TSGA10: variants seen among roughly 807,000 people sequenced by gnomAD.
The protein encoded by TSGA10 is testis-specific gene 10 protein.
A neutral mutation model predicts 96.6 loss-of-function variants in TSGA10; 43 were observed. The ratio of observed to expected loss-of-function variants is 0.44; its 90% CI spans 0.35 to 0.57. TSGA10 has a LOEUF of 0.57. TSGA10 is among the 20% of genes least tolerant of loss of function. The probability of loss-of-function intolerance (pLI) is 0.01; values close to 1 mark genes in which losing one functional copy is unlikely to be tolerated. For missense variants in TSGA10, 703 were observed against 834.4 expected (o/e 0.84, Z 1.94); for synonymous variants, 229 against 269.9 (o/e 0.85, Z 1.48).
At position 99,144,351 on chromosome 2, in the gene TSGA10, C is replaced by T. The variant is rs1232606398; in HGVS notation, c.-621+10342G>A. On this transcript the variant is annotated intron_variant, in intron 1 of 20. Transcript: ENST00000393483. ...TCCGTTTTTTAAATCAGAGAGTTTC[C>T]TCCTTATGCCGAGGCCTGAAAGTTC... is the stretch of plus-strand genomic sequence containing the variant. Among the ~76,000 whole-genome samples, 4 of 151,886 alleles carry T rather than the reference C, an allele frequency of 2.6e-5. No homozygotes were observed. In the East Asian group the frequency reaches 7.7e-4, roughly 29 times the overall value.
rs73965019 is a variant in TSGA10, at chr2:99,049,984, A to G, written c.1405-14545T>C. Reference sequence around the variant, plus strand: ...CTGATTTTAAAATCAATTATATAATATTACATAAGATGATACAAATATAAT... The same window carrying G: ...CTGATTTTAAAATCAATTATATAATGTTACATAAGATGATACAAATATAAT... On this transcript the variant is annotated intron_variant, in intron 16 of 20. Transcript: ENST00000393483. Among the ~76,000 whole-genome samples, 435 of 152,266 alleles carry G rather than the reference A, an allele frequency of 2.9e-3. 1 individual carries two copies. Among genetic ancestry groups the G allele is most frequent in the African/African-American group, 9.8e-3 (406 of 41,570 alleles).
chr2:99,013,229 A>G (rs2079156718), intron 20 of TSGA10, among the ~76,000 whole-genome samples: 2 of 152,116 alleles, frequency 1.3e-5, no homozygotes, highest in African/African-American at 4.8e-5. Flanking sequence ...GTGTTTCACT[A>G]TTACCTCTCA....
At chr2:99,143,007 A>T (rs533456102) in intron 1 of TSGA10, among the ~76,000 whole-genome samples, 1 of 152,202 alleles carries the variant, frequency 6.6e-6, no homozygotes, top group Admixed American at 6.5e-5. Flanking sequence ...AAGAGGGTGA[A>T]AAGATTTTCC....
chr2:99,098,852 A>T (rs1443557583), intron 10 of TSGA10, among the ~76,000 whole-genome samples: 2 of 152,228 alleles, frequency 1.3e-5, no homozygotes, highest in East Asian at 3.8e-4. Context: ...TAAATAAATG[A>T]AATAAAACCT....
At chr2:99,107,647 CAA>C (rs1193593284) in intron 7 of TSGA10, among the ~76,000 whole-genome samples, 1 of 152,022 alleles carries the variant, frequency 6.6e-6, no homozygotes, top group Non-Finnish European at 1.5e-5. Context: ...GGGAAAATAT[CAA>C]AAGAGTATTT....
chr2:99,061,512 A>G (rs1005054928), intron 16 of TSGA10, among the ~76,000 whole-genome samples: 2 of 152,200 alleles, frequency 1.3e-5, no homozygotes, highest in Non-Finnish European at 2.9e-5. Context: ...TTTTAAATGT[A>G]CAATAAATTA....
At chr2:99,044,888 G>T (rs143015317) in intron 16 of TSGA10, among the ~76,000 whole-genome samples, 2 of 152,020 alleles carry the variant, frequency 1.3e-5, no homozygotes, top group Non-Finnish European at 2.9e-5. Context: ...ACTCAAAACC[G>T]CACAACTACA....
chr2:99,041,710 C>A (rs1264954563), intron 16 of TSGA10, among the ~76,000 whole-genome samples: 2 of 152,128 alleles, frequency 1.3e-5, no homozygotes, highest in Non-Finnish European at 2.9e-5. Flanking sequence ...AAATCTAAGA[C>A]CTAAAACCAT....
chr2:99,074,735 C>A (rs577169570), intron 12 of TSGA10, among the ~76,000 whole-genome samples: 69 of 152,046 alleles, frequency 4.5e-4, no homozygotes, highest in South Asian at 1.2e-3. Context: ...GTGAGGCAGG[C>A]GGAACACGAG....
At chr2:99,010,754 C>T (rs1382329313) in intron 20 of TSGA10, among the ~76,000 whole-genome samples, 3 of 152,102 alleles carry the variant, frequency 2.0e-5, no homozygotes, top group Admixed American at 6.5e-5. Flanking sequence ...GTCCAGGGGA[C>T]GAGTGGAAGC....
intron 6 of TSGA10, 34 bp from the exon 7 acceptor site, chr2:99,109,025 G>A: frequency 6.8e-7 from 1 of 1,468,712 alleles, no homozygotes; most frequent in Non-Finnish European, 9.1e-7. Context: ...AATCTTCTTT[G>A]ATATATAGTA....
At chr2:99,033,043 G>C (rs1474691318) in intron 17 of TSGA10, among the ~76,000 whole-genome samples, 1 of 152,216 alleles carries the variant, frequency 6.6e-6, no homozygotes, top group Non-Finnish European at 1.5e-5. Context: ...CAGGAAAACT[G>C]AATTGGTCAT....
At chr2:99,034,363 C>A (rs559615212) in intron 17 of TSGA10, among the ~76,000 whole-genome samples, 60 of 152,146 alleles carry the variant, frequency 3.9e-4, no homozygotes, top group Admixed American at 9.2e-4. Flanking sequence ...GATCATGCCA[C>A]TGCACTCCAG....
chr2:99,096,120 TAAGTGTATAGCAA>T (rs1466427516), intron 10 of TSGA10, among the ~76,000 whole-genome samples: 1 of 152,246 alleles, frequency 6.6e-6, no homozygotes, highest in Non-Finnish European at 1.5e-5. Flanking sequence ...CTGTCATTTA[TAAGTGTATAGCAA>T]AATTTTAAAA....
At chr2:99,119,625 G>A (rs145277782) in intron 2 of TSGA10, among the ~76,000 whole-genome samples, 32 of 152,180 alleles carry the variant, frequency 2.1e-4, no homozygotes, top group Admixed American at 5.9e-4. Flanking sequence ...AGGAAAATAC[G>A]TGCCTTTTTT....
intron 20 of TSGA10, among the ~76,000 whole-genome samples, chr2:99,007,728 C>T (rs2078627786): frequency 6.6e-6 from 1 of 152,080 alleles, no homozygotes; most frequent in Non-Finnish European, 1.5e-5. Context: ...TATAAAAGAT[C>T]TGCAAAAAAT....
At chr2:99,024,136 G>A (rs1188781299) in intron 17 of TSGA10, among the ~76,000 whole-genome samples, 2 of 151,758 alleles carry the variant, frequency 1.3e-5, no homozygotes, top group Admixed American at 6.6e-5. Context: ...CTGTCACCAG[G>A]CAGAGTGCAG....
intron 20 of TSGA10, among the ~76,000 whole-genome samples, chr2:99,011,771 T>G (rs1034649209): frequency 2.0e-5 from 3 of 152,110 alleles, no homozygotes; most frequent in Non-Finnish European, 4.4e-5. Flanking sequence ...GGGTAAAATT[T>G]TTTAAATAAT....
At chr2:99,152,543 A>C (rs1183688279) in intron 1 of TSGA10, among the ~76,000 whole-genome samples, 1 of 152,174 alleles carries the variant, frequency 6.6e-6, no homozygotes, top group Admixed American at 6.5e-5. Context: ...CTGGGCCATA[A>C]ACTTGATTTT....
Sources: gnomAD v4.1 joint callset for allele counts (sites outside exome capture counted in the v4.1 genomes callset) on GRCh38, gnomAD v4.1.1 for gene constraint, MANE v1.5 for transcripts, NCBI Gene and HGNC (gene_info 2026-07-23, HGNC 2026-07-21) for gene names.